SERAC1: variants seen among roughly 807,000 people sequenced by gnomAD.
SERAC1 encodes protein SERAC1.
A neutral mutation model predicts 85.7 loss-of-function variants in SERAC1; 36 were observed. The observed-to-expected ratio is 0.42, with a 90% confidence interval of 0.32 to 0.55. SERAC1 has a LOEUF of 0.55. SERAC1 is among the 20% of genes least tolerant of loss of function. SERAC1 has a pLI of 0.11. For synonymous variants in SERAC1, 242 were observed against 265.3 expected (o/e 0.91, Z 0.85); for missense variants, 629 against 796.2 (o/e 0.79, Z 2.53).
chr6:158,156,950 A>G (rs1015996746), intron 2 of SERAC1, among the ~76,000 whole-genome samples: 5 of 138,212 alleles, frequency 3.6e-5, no homozygotes, highest in Non-Finnish European at 6.1e-5. Flanking sequence ...ATATTAATAT[A>G]TTTATATAAA....
At chr6:158,154,960 C>G (rs927548302) in intron 3 of SERAC1, among the ~76,000 whole-genome samples, 2 of 151,932 alleles carry the variant, frequency 1.3e-5, no homozygotes, top group East Asian at 1.9e-4. Flanking sequence ...TTAAGTGCGC[C>G]GGAGCTGAGT....
At chr6:158,140,490 T>C (rs902434610) in intron 8 of SERAC1, among the ~76,000 whole-genome samples, 36 of 152,198 alleles carry the variant, frequency 2.4e-4, no homozygotes, top group African/African-American at 8.0e-4. Flanking sequence ...CTACATAGCT[T>C]GCCCTACGCA....
intron 9 of SERAC1, among the ~76,000 whole-genome samples, chr6:158,129,548 A>C (rs1396994692): frequency 1.3e-5 from 2 of 152,210 alleles, no homozygotes; most frequent in East Asian, 3.8e-4. Flanking sequence ...CTGCACTATG[A>C]GCACTACAAG....
intron 16 of SERAC1, chr6:158,112,981 AAG>A (rs1784183761): frequency 6.2e-6 from 1 of 161,542 alleles, no homozygotes; most frequent in Non-Finnish European, 1.3e-5. Context: ...CAGGATCATG[AAG>A]AGATTGTAGT....
chr6:158,156,855 AATAAATATTAATATATTTAT>A (rs1785352850), intron 2 of SERAC1, among the ~76,000 whole-genome samples: 1 of 84,236 alleles, frequency 1.2e-5, no homozygotes, highest in Non-Finnish European at 2.5e-5. Context: ...TTTTATATAT[AATAAATATTAATATATTTAT>A]ATAGATATTA....
intron 2 of SERAC1, among the ~76,000 whole-genome samples, chr6:158,156,363 C>T (rs1305739181): frequency 6.6e-6 from 1 of 152,044 alleles, no homozygotes; most frequent in Non-Finnish European, 1.5e-5. Flanking sequence ...GTAGCTAGGG[C>T]TAACAGTGTA....
In SERAC1 at chr6:158,121,715, TAATA is replaced by T. The variant is rs199927382; in HGVS notation, c.1016-1144_1016-1141del. Among the ~76,000 whole-genome samples the T allele has an allele frequency of 3.9e-3, 593 of 152,208 alleles. 6 individuals carry two copies. Among genetic ancestry groups the T allele is most frequent in the African/African-American group, 0.014 (568 of 41,560 alleles). Reference sequence around the variant, plus strand: ...TCAAAATCTGTTAAAGATTTTAAAATAATAAAATAAGAATATTTAAAAATTATAT... The same window carrying T: ...TCAAAATCTGTTAAAGATTTTAAAATAAATAAGAATATTTAAAAATTATAT... On this transcript the variant is annotated intron_variant, in intron 10 of 16. Coordinates refer to ENST00000647468, the MANE Select transcript of SERAC1 (RefSeq NM_032861.4).
Position 158,111,187 on chromosome 6 carries a change from C to T in SERAC1, c.*179G>A, listed in dbSNP as rs911713764. ...CCCTTCCTTCTGTGCCTGCCACTTC[C>T]GGGTTGGTGCTTTACAGCGCTTGAA... On this transcript the variant is annotated 3_prime_UTR_variant, in exon 17 of 17. Transcript: ENST00000647468. The T allele has an allele frequency of 8.2e-6, 4 of 490,782 alleles. No individual in the cohort carries two copies. Among genetic ancestry groups the T allele is most frequent in the Admixed American group, 7.9e-5 (2 of 25,212 alleles). The allele number at this position is 490,782 out of a possible 1,614,324, so 30.4% of individuals were successfully genotyped here.
intron 8 of SERAC1, among the ~76,000 whole-genome samples, chr6:158,142,502 G>A (rs1353681220): frequency 1.3e-5 from 2 of 150,262 alleles, no homozygotes; most frequent in African/African-American, 2.5e-5. Context: ...TTTTGAGGCG[G>A]AGTCTCGCTC....
chr6:158,150,910 G>A (rs781197077), intron 3 of SERAC1: 7 of 235,468 alleles, frequency 3.0e-5, no homozygotes, highest in Middle Eastern at 1.7e-3. Context: ...TGTGCTGCCC[G>A]TCCTATAAAA....
chr6:158,118,270 C>A (rs747558160), intron 12 of SERAC1, among the ~76,000 whole-genome samples: 3 of 152,120 alleles, frequency 2.0e-5, no homozygotes, highest in Non-Finnish European at 4.4e-5. Context: ...TCAGTGCCAC[C>A]AGAAAGTGCA....
Position 158,143,075 on chromosome 6 carries a change from T to G in SERAC1, c.719A>C (p.Gln240Pro), listed in dbSNP as rs754950871. 2 of 1,612,182 alleles carry G rather than the reference T, an allele frequency of 1.2e-6. No homozygotes were observed. Among genetic ancestry groups the G allele is most frequent in the Non-Finnish European group, 1.7e-6 (2 of 1,179,006 alleles). The change falls in exon 8 of 17, where the codon CAG becomes CCG. Residue 240 changes from glutamine (Q) to proline (P), a missense_variant. Gln to Pro is a moderately conservative substitution (Grantham distance 76, BLOSUM62 -1). Transcript: ENST00000647468. ...ACTAACCTTCTGAGCAGCTAGACTC[T>G]GACTGCTTTCACTAAGAGCCAAAGA... Reference protein sequence around the residue: ...FTSLALSESSQSLAAQKGGLW... With the variant: ...FTSLALSESSPSLAAQKGGLW...
At chr6:158,152,201 T>C (rs903063069) in intron 3 of SERAC1, among the ~76,000 whole-genome samples, 4 of 152,128 alleles carry the variant, frequency 2.6e-5, no homozygotes, top group Non-Finnish European at 5.9e-5. Context: ...CAAAACACAG[T>C]GAGACTCTGC....
chr6:158,159,731 C>T (rs559948764), intron 1 of SERAC1, among the ~76,000 whole-genome samples: 4 of 151,114 alleles, frequency 2.6e-5, no homozygotes, highest in Non-Finnish European at 4.4e-5. Context: ...CTCAAGCAAT[C>T]CTCCCACCTC....
At chr6:158,135,205 A>G (rs1219120998) in intron 8 of SERAC1, among the ~76,000 whole-genome samples, 2 of 152,200 alleles carry the variant, frequency 1.3e-5, no homozygotes, top group African/African-American at 4.8e-5. Context: ...TTAATACCAG[A>G]CTAGATCCTG....
intron 5 of SERAC1, among the ~76,000 whole-genome samples, chr6:158,148,188 G>T (rs1261572834): frequency 6.6e-6 from 1 of 152,162 alleles, no homozygotes; most frequent in Non-Finnish European, 1.5e-5. Flanking sequence ...TTTTTAAGGA[G>T]ATCAGATAAG....
At position 158,110,055 on chromosome 6, in the gene SERAC1, A is replaced by G. The variant is rs999665425; in HGVS notation, c.*1311T>C. On this transcript the variant is annotated 3_prime_UTR_variant, in exon 17 of 17. Coordinates refer to ENST00000647468, the MANE Select transcript of SERAC1 (RefSeq NM_032861.4). ...GGGGATGATGAAATAGCCTGAAATT[A>G]AATAGCAATGATGTTGCACAACTCA... The G allele has an allele frequency of 7.9e-5, 12 of 152,212 alleles. No individual in the cohort carries two copies. Among genetic ancestry groups the G allele is most frequent in the African/African-American group, 2.9e-4 (12 of 41,456 alleles). The allele number at this position is 152,212 out of a possible 1,614,324, so 9.4% of individuals were successfully genotyped here. A position where few individuals can be genotyped will look rare whatever the true frequency, so the allele number is the denominator to read the frequency against.
intron 1 of SERAC1, among the ~76,000 whole-genome samples, chr6:158,164,585 G>A: frequency 6.6e-6 from 1 of 152,044 alleles, no homozygotes; most frequent in Non-Finnish European, 1.5e-5. Flanking sequence ...AAATAAAAGG[G>A]AAGAGATTAT....
chr6:158,145,999 T>C (rs577589016), intron 6 of SERAC1: 2 of 152,350 alleles, frequency 1.3e-5, no homozygotes, highest in South Asian at 4.1e-4. Flanking sequence ...TTAAAAATGA[T>C]ATACACAAAT....
Sources: gnomAD v4.1 joint callset for allele counts (sites outside exome capture counted in the v4.1 genomes callset) on GRCh38, gnomAD v4.1.1 for gene constraint, MANE v1.5 for transcripts, NCBI Gene and HGNC (gene_info 2026-07-23, HGNC 2026-07-21) for gene names.